WWOX: variants seen among roughly 807,000 people sequenced by gnomAD.
WWOX encodes WW domain containing oxidoreductase, also known as WW domain-containing oxidoreductase.
WWOX carries 69 observed loss-of-function variants against 46.2 expected under a neutral mutation model. The observed-to-expected ratio is 1.49, with a 90% confidence interval of 1.23 to 1.82. WWOX has a LOEUF of 1.82. Among genes scored for constraint, WWOX ranks in the 40% most tolerant of loss-of-function variants. WWOX has a pLI of 0.00. For missense variants in WWOX, 919 were observed against 542.6 expected (o/e 1.69, Z -6.89); for synonymous variants, 359 against 202.6 (o/e 1.77, Z -6.56).
At chr16:78,261,930 T>A (rs1323285647) in intron 5 of WWOX, among the ~76,000 whole-genome samples, 1 of 150,492 alleles carries the variant, frequency 6.6e-6, no homozygotes, top group Non-Finnish European at 1.5e-5. Flanking sequence ...AGATCAATAA[T>A]GCAAATTGCA....
At chr16:78,917,289 A>G (rs1277659055) in intron 8 of WWOX, among the ~76,000 whole-genome samples, 1 of 152,226 alleles carries the variant, frequency 6.6e-6, no homozygotes, top group East Asian at 1.9e-4. Flanking sequence ...AACTCAAATC[A>G]GAATTTCGTT....
chr16:78,294,012 G>C (rs1278554925), intron 5 of WWOX, among the ~76,000 whole-genome samples: 1 of 114,348 alleles, frequency 8.7e-6, no homozygotes, highest in Non-Finnish European at 1.9e-5. Flanking sequence ...AAAAAAAAAG[G>C]CTTTCCTGAA....
chr16:78,463,807 A>C (rs1432446427), intron 8 of WWOX, among the ~76,000 whole-genome samples: 2 of 152,306 alleles, frequency 1.3e-5, no homozygotes, highest in Non-Finnish European at 2.9e-5. Context: ...AGTTTAAAGA[A>C]GTGTTTTATG....
chr16:78,539,999 C>T (rs1291876496), intron 8 of WWOX, among the ~76,000 whole-genome samples: 1 of 86,140 alleles, frequency 1.2e-5, no homozygotes, highest in Non-Finnish European at 2.5e-5. Flanking sequence ...CTCTCTCTTT[C>T]TCTCTCTCTC....
chr16:78,953,851 C>G (rs529810242), intron 8 of WWOX, among the ~76,000 whole-genome samples: 6 of 152,330 alleles, frequency 3.9e-5, no homozygotes, highest in African/African-American at 1.4e-4. Flanking sequence ...TCTCCTGTAG[C>G]ATTTTTGGGC....
chr16:78,331,836 C>G (rs550460161), intron 5 of WWOX, among the ~76,000 whole-genome samples: 1 of 152,174 alleles, frequency 6.6e-6, no homozygotes, highest in Non-Finnish European at 1.5e-5. Flanking sequence ...TTTAATTCTT[C>G]CAACAACGTG....
At position 78,341,342 on chromosome 16, in the gene WWOX, G is replaced by A. The variant is rs2081010444; in HGVS notation, c.517-45518G>A. Among the ~76,000 whole-genome samples, 2 of 120,440 alleles carry A rather than the reference G, an allele frequency of 1.7e-5. 1 individual carries two copies. The highest frequency in any genetic ancestry group is 5.6e-5 in the African/African-American group (2 of 35,582). 79.0% of individuals were successfully genotyped at this position (120,440 alleles called of 152,430 possible). A position where few individuals can be genotyped will look rare whatever the true frequency, so the allele number is the denominator to read the frequency against. On this transcript the variant is annotated intron_variant, in intron 5 of 8. Transcript: ENST00000566780. ...TTTTATATTGAATAATCTTTGATTT[G>A]TATTGTCATGTTGTTTTATAGCAGT... is the stretch of plus-strand genomic sequence containing the variant.
At chr16:78,615,634 C>A (rs978987545) in intron 8 of WWOX, among the ~76,000 whole-genome samples, 3 of 151,508 alleles carry the variant, frequency 2.0e-5, no homozygotes, top group Admixed American at 2.0e-4. Context: ...CCAGTCTGGG[C>A]AACAGAGCAA....
At chr16:78,430,710 A>T (rs1057249100) in intron 7 of WWOX, among the ~76,000 whole-genome samples, 1 of 152,172 alleles carries the variant, frequency 6.6e-6, no homozygotes, top group African/African-American at 2.4e-5. Flanking sequence ...ATTCGTTTCA[A>T]GGTCTCATTT....
At chr16:78,513,306 G>A (rs557795419) in intron 8 of WWOX, among the ~76,000 whole-genome samples, 1 of 152,292 alleles carries the variant, frequency 6.6e-6, no homozygotes, top group East Asian at 1.9e-4. Flanking sequence ...GTAGGAGCTT[G>A]AATATTCTCA....
chr16:78,815,324 C>G (rs553998524), intron 8 of WWOX, among the ~76,000 whole-genome samples: 7 of 145,072 alleles, frequency 4.8e-5, no homozygotes, highest in East Asian at 2.0e-4. Flanking sequence ...AACTCTGTCT[C>G]GAGAAAAAAA....
intron 8 of WWOX, among the ~76,000 whole-genome samples, chr16:78,937,368 C>G (rs1374482179): frequency 6.9e-6 from 1 of 144,754 alleles, no homozygotes. Flanking sequence ...CATCCTTTTT[C>G]TTTGAGTATG....
intron 8 of WWOX, among the ~76,000 whole-genome samples, chr16:79,034,415 G>A (rs1013568287): frequency 6.6e-6 from 1 of 152,162 alleles, no homozygotes; most frequent in Non-Finnish European, 1.5e-5. Context: ...TTTCTCCAAG[G>A]TGTATACACT....
rs140570223 is a variant in WWOX, at chr16:79,163,547, C to T, written c.1057-48061C>T. 1.3e-4 allele frequency among the ~76,000 whole-genome samples: 20 copies of T among 152,178 alleles called. 1 individual carries two copies. In the East Asian group the frequency reaches 3.9e-3, roughly 29 times the overall value. Reference sequence around the variant, plus strand: ...GGCATGGTGGCTCACACCTGTAATCCCAGCACTTTGGGAGGCCGAAGGGGG... The same window carrying T: ...GGCATGGTGGCTCACACCTGTAATCTCAGCACTTTGGGAGGCCGAAGGGGG... On this transcript the variant is annotated intron_variant, in intron 8 of 8. Coordinates refer to ENST00000566780, the MANE Select transcript of WWOX (RefSeq NM_016373.4).
intron 8 of WWOX, among the ~76,000 whole-genome samples, chr16:78,686,455 T>G (rs2047861545): frequency 6.6e-6 from 1 of 150,980 alleles, no homozygotes; most frequent in Non-Finnish European, 1.5e-5. Context: ...AGTTTGCAGT[T>G]AGCAGAGATG....
intron 8 of WWOX, among the ~76,000 whole-genome samples, chr16:78,781,629 C>A (rs935784258): frequency 6.6e-6 from 1 of 152,150 alleles, no homozygotes; most frequent in Admixed American, 6.5e-5. Context: ...TTTACAAAGA[C>A]ATGAATATTG....
At position 78,750,572 on chromosome 16, in the gene WWOX, A is replaced by G. The variant is rs367615612; in HGVS notation, c.1056+317820A>G. Among the ~76,000 whole-genome samples the G allele has an allele frequency of 3.0e-4, 45 of 152,184 alleles. No homozygotes were observed. The East Asian group carries it at 3.3e-3, about 11-fold the overall frequency. The stretch of plus-strand genomic sequence containing the variant: ...GCAAGATACTGAGATTTGGGCTTCA[A>G]TTGAACCCATCACCCAAATTAGTAA... On this transcript the variant is annotated intron_variant, in intron 8 of 8. Coordinates refer to ENST00000566780, the MANE Select transcript of WWOX (RefSeq NM_016373.4).
chr16:78,951,134 G>C (rs2046051433), intron 8 of WWOX, among the ~76,000 whole-genome samples: 1 of 152,176 alleles, frequency 6.6e-6, no homozygotes, highest in Non-Finnish European at 1.5e-5. Flanking sequence ...GACCAAAGAT[G>C]GGGATTGATT....
chr16:79,125,047 C>CTTT (rs1302169301), intron 8 of WWOX, among the ~76,000 whole-genome samples: 3 of 86,382 alleles, frequency 3.5e-5, no homozygotes, highest in Non-Finnish European at 9.0e-5. Flanking sequence ...ATTTTCCCAT[C>CTTT]TTTTTTTTTT....
Sources: allele counts gnomAD v4.1 joint callset (sites outside exome capture counted in the v4.1 genomes callset), GRCh38; gene constraint gnomAD v4.1.1; transcripts MANE v1.5; gene names NCBI Gene and HGNC (gene_info 2026-07-23, HGNC 2026-07-21).